PLCL1: variants seen among roughly 807,000 people sequenced by gnomAD.
The protein encoded by PLCL1 is phospholipase C like 1 (inactive).
Under a neutral mutation model 84.4 loss-of-function variants are expected in PLCL1, and 41 were observed. That is an observed-to-expected ratio of 0.49 (90% confidence interval 0.38 to 0.63). The LOEUF (loss-of-function observed/expected upper bound fraction) is 0.63, where lower values mean the gene tolerates loss of function less well. Ranked by LOEUF, PLCL1 falls within the 30% of genes least tolerant of loss-of-function variation. The pLI is 0.00. For missense variants in PLCL1, 1,206 were observed against 1,367.8 expected (o/e 0.88, Z 1.87); for synonymous variants, 490 against 488.3 (o/e 1.00, Z -0.05).
At chr2:197,840,280 C>T (rs1686969794) in intron 1 of PLCL1, among the ~76,000 whole-genome samples, 1 of 152,072 alleles carries the variant, frequency 6.6e-6, no homozygotes, top group East Asian at 1.9e-4. Context: ...ATTTACTTTT[C>T]CCCTGTCTGG....
Position 198,084,158 on chromosome 2 carries a change from G to T in PLCL1, c.641G>T (p.Trp214Leu), listed in dbSNP as rs150675435. ...AATTCAGCAGATGTGGCAAACATCT[G>T]GGTGTCTGGGTTACGGTACCTGGTT... ...VANSADVANI[W>L]VSGLRYLVSR... Residue 214 changes from tryptophan to leucine, a missense_variant, in exon 2 of 6, where the codon TGG becomes TTG. Transcript: ENST00000428675. 1.1e-4 allele frequency: 180 copies of T among 1,614,052 alleles called. No homozygotes were observed. The East Asian group carries it at 2.8e-3, about 25-fold the overall frequency.
At chr2:197,948,637 C>T (rs566129648) in intron 1 of PLCL1, among the ~76,000 whole-genome samples, 1 of 152,162 alleles carries the variant, frequency 6.6e-6, no homozygotes, top group South Asian at 2.1e-4. Flanking sequence ...ATGGTAGGCA[C>T]TCAGTGTATA....
chr2:198,138,082 C>T (rs545686147), intron 5 of PLCL1, among the ~76,000 whole-genome samples: 2 of 152,272 alleles, frequency 1.3e-5, no homozygotes, highest in East Asian at 3.9e-4. Flanking sequence ...TCTGTTAAGT[C>T]CTGCCTGAGT....
At chr2:197,840,809 T>G (rs1299683195) in intron 1 of PLCL1, among the ~76,000 whole-genome samples, 1 of 152,178 alleles carries the variant, frequency 6.6e-6, no homozygotes, top group Non-Finnish European at 1.5e-5. Flanking sequence ...CCCCTTTGTT[T>G]GGTTTTATCA....
chr2:198,079,152 T>C (rs573347033), intron 1 of PLCL1, among the ~76,000 whole-genome samples: 12 of 151,940 alleles, frequency 7.9e-5, no homozygotes, highest in Non-Finnish European at 1.5e-4. Context: ...GAGCTTGCAT[T>C]ATATCCAATC....
intron 5 of PLCL1, among the ~76,000 whole-genome samples, chr2:198,108,403 A>C (rs1693540452): frequency 6.6e-6 from 1 of 151,944 alleles, no homozygotes; most frequent in South Asian, 2.1e-4. Flanking sequence ...ATTTCTAAAA[A>C]TATTTAATTC....
At chr2:197,862,364 G>A (rs978067214) in intron 1 of PLCL1, among the ~76,000 whole-genome samples, 1 of 152,170 alleles carries the variant, frequency 6.6e-6, no homozygotes, top group Non-Finnish European at 1.5e-5. Context: ...AGTGAAAAGA[G>A]ATACGGAAAT....
chr2:198,135,042 TA>T (rs1694221436), intron 5 of PLCL1, among the ~76,000 whole-genome samples: 1 of 152,238 alleles, frequency 6.6e-6, no homozygotes, highest in African/African-American at 2.4e-5. Flanking sequence ...ATTTTGCTAA[TA>T]TTTGTAACTA....
chr2:197,872,794 A>C (rs1319767608), intron 1 of PLCL1, among the ~76,000 whole-genome samples: 1 of 152,160 alleles, frequency 6.6e-6, no homozygotes, highest in Non-Finnish European at 1.5e-5. Flanking sequence ...AGCTTGAGTA[A>C]AAGATTTCTT....
chr2:197,894,374 T>C (rs1235467202), intron 1 of PLCL1, among the ~76,000 whole-genome samples: 1 of 152,028 alleles, frequency 6.6e-6, no homozygotes, highest in Non-Finnish European at 1.5e-5. Context: ...TTCCTGCCAC[T>C]GATGAATTTT....
chr2:197,963,200 C>T (rs114797946), intron 1 of PLCL1, among the ~76,000 whole-genome samples: 201 of 152,078 alleles, frequency 1.3e-3, no homozygotes, highest in African/African-American at 4.3e-3. Context: ...ATGGATTGTA[C>T]CACCTATGGA....
At chr2:197,880,998 A>C (rs997749859) in intron 1 of PLCL1, among the ~76,000 whole-genome samples, 2 of 152,202 alleles carry the variant, frequency 1.3e-5, no homozygotes, top group African/African-American at 4.8e-5. Context: ...ATGTGAATTT[A>C]GAGCTGTAGG....
intron 1 of PLCL1, among the ~76,000 whole-genome samples, chr2:197,820,207 A>C (rs544735698): frequency 1.3e-5 from 2 of 152,238 alleles, no homozygotes; most frequent in East Asian, 3.9e-4. Flanking sequence ...CACAACTCCT[A>C]GGGCTGGGTT....
At chr2:198,126,838 G>A (rs755468395) in intron 5 of PLCL1, among the ~76,000 whole-genome samples, 9 of 152,148 alleles carry the variant, frequency 5.9e-5, no homozygotes, top group Middle Eastern at 3.4e-3. Flanking sequence ...TGGAGGGTGA[G>A]GCTGCAGTGA....
chr2:198,031,835 T>C (rs1559080406), intron 1 of PLCL1, among the ~76,000 whole-genome samples: 1 of 152,244 alleles, frequency 6.6e-6, no homozygotes, highest in East Asian at 1.9e-4. Flanking sequence ...TATTACTTGT[T>C]ACTATGAAAT....
intron 1 of PLCL1, among the ~76,000 whole-genome samples, chr2:197,817,993 T>G (rs1690726192): frequency 6.6e-6 from 1 of 152,054 alleles, no homozygotes; most frequent in Non-Finnish European, 1.5e-5. Flanking sequence ...CTCTTTTGAG[T>G]CTGAAGATTC....
intron 5 of PLCL1, among the ~76,000 whole-genome samples, chr2:198,115,559 TTG>T (rs1269394235): frequency 6.6e-6 from 1 of 151,856 alleles, no homozygotes; most frequent in Non-Finnish European, 1.5e-5. Flanking sequence ...CATTTATATA[TTG>T]TATTATGCTG....
intron 1 of PLCL1, among the ~76,000 whole-genome samples, chr2:197,904,898 G>C (rs1275035809): frequency 6.6e-6 from 1 of 152,112 alleles, no homozygotes; most frequent in Admixed American, 6.5e-5. Flanking sequence ...TAATATTTAT[G>C]AATATCACAT....
At chr2:197,822,613 C>T (rs967844833) in intron 1 of PLCL1, among the ~76,000 whole-genome samples, 2 of 152,186 alleles carry the variant, frequency 1.3e-5, no homozygotes, top group African/African-American at 2.4e-5. Flanking sequence ...GGACTGTCTA[C>T]CCCATTTCAT....
Sources: allele counts gnomAD v4.1 joint callset (sites outside exome capture counted in the v4.1 genomes callset), GRCh38; gene constraint gnomAD v4.1.1; transcripts MANE v1.5; gene names NCBI Gene and HGNC (gene_info 2026-07-23, HGNC 2026-07-21).